ABCC9: variants seen among roughly 807,000 people sequenced by gnomAD.
The protein encoded by ABCC9 is ATP binding cassette subfamily C member 9.
ABCC9 carries 95 observed loss-of-function variants against 188.3 expected under a neutral mutation model. The ratio of observed to expected loss-of-function variants is 0.50; its 90% CI spans 0.43 to 0.60. The LOEUF is 0.60. ABCC9 is among the 20% of genes least tolerant of loss of function. The probability of loss-of-function intolerance (pLI) is 0.00; values close to 1 mark genes in which losing one functional copy is unlikely to be tolerated. For synonymous variants in ABCC9, 659 were observed against 652.7 expected, an observed-to-expected ratio of 1.01 and a Z score of -0.15; for missense variants, 1,102 against 1,876.3, an observed-to-expected ratio of 0.59 and a Z score of 7.62.
chr12:21,931,373 G>T (rs1362052304), intron 4 of ABCC9, among the ~76,000 whole-genome samples: 3 of 151,212 alleles, frequency 2.0e-5, no homozygotes, highest in African/African-American at 7.3e-5. Context: ...GGAATTATGA[G>T]TCAATTAAAC....
chr12:21,894,306 CA>C, intron 13 of ABCC9, 132 bp from the exon 14 acceptor site: 1 of 1,047,542 alleles, frequency 9.5e-7, no homozygotes, highest in Non-Finnish European at 1.4e-6. Flanking sequence ...TGACTTCATC[CA>C]AAACTCCCTA....
intron 21 of ABCC9, among the ~76,000 whole-genome samples, chr12:21,860,332 C>T (rs1407654337): frequency 6.6e-6 from 1 of 152,190 alleles, no homozygotes; most frequent in Non-Finnish European, 1.5e-5. Context: ...ATCCTGGCTA[C>T]ACCACTACCT....
intron 28 of ABCC9, among the ~76,000 whole-genome samples, chr12:21,843,844 GC>G (rs1412321255): frequency 6.6e-6 from 1 of 152,126 alleles, no homozygotes; most frequent in Non-Finnish European, 1.5e-5. Flanking sequence ...CTAATTGAGG[GC>G]CATTTCGGTA....
At chr12:21,837,999 A>G in intron 30 of ABCC9, 79 bp downstream of exon 30, 5 of 1,164,572 alleles carry the variant, frequency 4.3e-6, no homozygotes, top group Non-Finnish European at 6.4e-6. Flanking sequence ...AAATGAAAGC[A>G]ATGATCAGTT....
At chr12:21,918,880 T>G (rs1948701367) in intron 5 of ABCC9, among the ~76,000 whole-genome samples, 1 of 152,176 alleles carries the variant, frequency 6.6e-6, no homozygotes, top group Non-Finnish European at 1.5e-5. Context: ...AGGTAACCTT[T>G]GATCTTTTCA....
chr12:21,936,455 C>T, intron 3 of ABCC9, 78 bp downstream of exon 3: 1 of 1,297,294 alleles, frequency 7.7e-7, no homozygotes, highest in Non-Finnish European at 1.1e-6. Context: ...GAAATTAAGT[C>T]AACATTATCC....
At chr12:21,829,498 G>A (rs1290300156) in intron 30 of ABCC9, among the ~76,000 whole-genome samples, 2 of 152,124 alleles carry the variant, frequency 1.3e-5, no homozygotes, top group African/African-American at 4.8e-5. Flanking sequence ...ACCGCACCCG[G>A]CCCAGTAAAT....
chr12:21,868,227 G>A (rs1357200552), intron 18 of ABCC9, among the ~76,000 whole-genome samples: 1 of 152,194 alleles, frequency 6.6e-6, no homozygotes, highest in East Asian at 1.9e-4. Context: ...ACCCACACAG[G>A]TGTGTGCTGG....
At chr12:21,841,277 AT>A (rs1473897503) in intron 29 of ABCC9, among the ~76,000 whole-genome samples, 1 of 139,726 alleles carries the variant, frequency 7.2e-6, no homozygotes, top group East Asian at 2.1e-4. Context: ...CTAAACGAAT[AT>A]TTTTTTTCCC....
intron 5 of ABCC9, chr12:21,923,494 C>A: frequency 4.6e-6 from 1 of 215,244 alleles, no homozygotes; most frequent in South Asian, 1.6e-4. Flanking sequence ...TAGCCACATC[C>A]CAAAGATTAA....
At chr12:21,896,401 C>T (rs536185263) in intron 12 of ABCC9, among the ~76,000 whole-genome samples, 1 of 152,286 alleles carries the variant, frequency 6.6e-6, no homozygotes, top group East Asian at 1.9e-4. Context: ...TGAGAAGCCA[C>T]ATTTCTGCCT....
At chr12:21,865,798 G>T (rs1396139675) in intron 18 of ABCC9, among the ~76,000 whole-genome samples, 2 of 152,086 alleles carry the variant, frequency 1.3e-5, no homozygotes, top group Non-Finnish European at 2.9e-5. Context: ...AATATGCATT[G>T]ATCACTTCCT....
intron 12 of ABCC9, among the ~76,000 whole-genome samples, chr12:21,898,599 T>A (rs1401463202): frequency 6.6e-6 from 1 of 152,020 alleles, no homozygotes; most frequent in East Asian, 1.9e-4. Context: ...TCTAAAGGAG[T>A]TTATAATTCA....
chr12:21,851,027 G>A (rs1034179565), intron 24 of ABCC9, among the ~76,000 whole-genome samples: 5 of 151,830 alleles, frequency 3.3e-5, no homozygotes, highest in Admixed American at 2.0e-4. Flanking sequence ...AAATCCTAGG[G>A]TTTATCTGAC....
intron 6 of ABCC9, among the ~76,000 whole-genome samples, chr12:21,916,412 C>A (rs1948606158): frequency 6.6e-6 from 1 of 152,142 alleles, no homozygotes; most frequent in Non-Finnish European, 1.5e-5. Flanking sequence ...GTATCTCACA[C>A]AACATAACTG....
chr12:21,843,143 C>T (rs1944476661), intron 28 of ABCC9, among the ~76,000 whole-genome samples: 1 of 152,056 alleles, frequency 6.6e-6, no homozygotes, highest in African/African-American at 2.4e-5. Flanking sequence ...CTGAGAAAGA[C>T]CTTTCCCACC....
chr12:21,864,584 C>T (rs2137530639), intron 18 of ABCC9, 107 bp from the exon 19 acceptor site: 1 of 779,064 alleles, frequency 1.3e-6, no homozygotes, highest in South Asian at 1.5e-5. Context: ...TATTAAAGAG[C>T]ACATTTCCCA....
chr12:21,925,678 C>T lies in ABCC9; in HGVS notation c.406+264G>A, dbSNP rs1949016373. The T allele has an allele frequency of 1.4e-5, 9 of 626,174 alleles. No individual in the cohort carries two copies. In the South Asian group the frequency reaches 1.5e-4, roughly 10 times the overall value. The allele number at this position is 626,174 out of a possible 1,614,324, so 38.8% of individuals were successfully genotyped here. On this transcript the variant is annotated intron_variant, in intron 5 of 39. Coordinates refer to ENST00000261200, the MANE Select transcript of ABCC9 (RefSeq NM_020297.4). ...CCAGCCATATTTCCTCCACTTTCTTCCCCCACCCCCCTACACCACAGAGAG... is the reference window on the plus strand; with the variant it reads ...CCAGCCATATTTCCTCCACTTTCTTTCCCCACCCCCCTACACCACAGAGAG...
intron 11 of ABCC9, among the ~76,000 whole-genome samples, chr12:21,906,888 C>G (rs1024937789): frequency 1.3e-5 from 2 of 152,048 alleles, no homozygotes; most frequent in African/African-American, 4.8e-5. Context: ...TTACTAACAA[C>G]TTGGAATAAT....
Sources: allele counts gnomAD v4.1 joint callset (sites outside exome capture counted in the v4.1 genomes callset), GRCh38; gene constraint gnomAD v4.1.1; transcripts MANE v1.5; gene names NCBI Gene and HGNC (gene_info 2026-07-23, HGNC 2026-07-21).